Variants in MLLT3 observed in about 807,000 individuals in gnomAD.
MLLT3 encodes protein AF-9.
In MLLT3, 4 loss-of-function variants were observed where a neutral mutation model predicts 53.2. That is an observed-to-expected ratio of 0.08 (90% CI 0.04 to 0.17). MLLT3 has a LOEUF of 0.17. Ranked by LOEUF, MLLT3 falls within the 10% of genes least tolerant of loss-of-function variation. The pLI, the probability that MLLT3 is intolerant of heterozygous loss-of-function variation, is 1.00. For missense variants in MLLT3, 569 were observed against 684.0 expected, an observed-to-expected ratio of 0.83 and a Z score of 1.87; for synonymous variants, 283 against 230.6, an observed-to-expected ratio of 1.23 and a Z score of -2.06.
chr9:20,421,482 T>A (rs949450800), intron 4 of MLLT3, among the ~76,000 whole-genome samples: 1 of 151,994 alleles, frequency 6.6e-6, no homozygotes, highest in Non-Finnish European at 1.5e-5. Context: ...TTTGAGAAAC[T>A]GGGAAAAGAT....
intron 5 of MLLT3, among the ~76,000 whole-genome samples, chr9:20,386,051 T>C (rs1371171240): frequency 1.3e-5 from 2 of 152,124 alleles, no homozygotes; most frequent in African/African-American, 4.8e-5. Context: ...GAAACTGAAT[T>C]CCCATTTCCA....
chr9:20,547,453 G>A (rs1356155053), intron 2 of MLLT3, among the ~76,000 whole-genome samples: 4 of 151,752 alleles, frequency 2.6e-5, no homozygotes, highest in East Asian at 3.9e-4. Flanking sequence ...CAACCAGCCC[G>A]GCCAACATGA....
intron 2 of MLLT3, among the ~76,000 whole-genome samples, chr9:20,460,835 T>A: frequency 6.6e-6 from 1 of 152,330 alleles, no homozygotes; most frequent in East Asian, 1.9e-4. Context: ...CATAAACTTT[T>A]AAAGCTTTTA....
intron 3 of MLLT3, among the ~76,000 whole-genome samples, chr9:20,456,100 G>A (rs756591154): frequency 2.0e-5 from 3 of 151,704 alleles, no homozygotes; most frequent in South Asian, 4.2e-4. Flanking sequence ...CACCATACTC[G>A]GCTAATTTTT....
chr9:20,497,992 C>T (rs1050122780), intron 2 of MLLT3, among the ~76,000 whole-genome samples: 9 of 151,850 alleles, frequency 5.9e-5, no homozygotes, highest in African/African-American at 2.2e-4. Flanking sequence ...GACAGTGAGG[C>T]GAGTGGATCA....
chr9:20,600,252 G>C (rs994840457), intron 2 of MLLT3, among the ~76,000 whole-genome samples: 3 of 151,890 alleles, frequency 2.0e-5, no homozygotes, highest in Non-Finnish European at 4.4e-5. Context: ...CACTCATCTT[G>C]TTGTGCTGTT....
chr9:20,496,747 C>T (rs1316583817), intron 2 of MLLT3, among the ~76,000 whole-genome samples: 1 of 152,156 alleles, frequency 6.6e-6, no homozygotes, highest in African/African-American at 2.4e-5. Flanking sequence ...GTCATGGTTA[C>T]TATATTGACA....
chr9:20,456,991 G>A (rs963013693), intron 2 of MLLT3, among the ~76,000 whole-genome samples: 1 of 152,018 alleles, frequency 6.6e-6, no homozygotes, highest in Non-Finnish European at 1.5e-5. Context: ...AAGCAGATAT[G>A]TAAGTCATTT....
intron 5 of MLLT3, among the ~76,000 whole-genome samples, chr9:20,393,847 CTG>C (rs1220208826): frequency 6.6e-6 from 1 of 152,080 alleles, no homozygotes; most frequent in East Asian, 1.9e-4. Flanking sequence ...AAAGTGATAA[CTG>C]TAACTTGAGA....
At chr9:20,551,435 A>G (rs942610315) in intron 2 of MLLT3, among the ~76,000 whole-genome samples, 1 of 152,186 alleles carries the variant, frequency 6.6e-6, no homozygotes, top group African/African-American at 2.4e-5. Flanking sequence ...AAATTATTAC[A>G]TGGACCTGCT....
intron 5 of MLLT3, among the ~76,000 whole-genome samples, chr9:20,368,199 C>A (rs747444255): frequency 7.2e-5 from 11 of 152,216 alleles, no homozygotes; most frequent in Non-Finnish European, 1.6e-4. Flanking sequence ...TTGAGTGGCT[C>A]TTCTACTGTT....
At chr9:20,531,276 C>T (rs561766534) in intron 2 of MLLT3, among the ~76,000 whole-genome samples, 4 of 152,002 alleles carry the variant, frequency 2.6e-5, no homozygotes, top group African/African-American at 9.6e-5. Flanking sequence ...GCTGTGATTA[C>T]AGGCGTATGC....
intron 2 of MLLT3, among the ~76,000 whole-genome samples, chr9:20,524,987 A>G (rs1818162567): frequency 6.6e-6 from 1 of 152,102 alleles, no homozygotes; most frequent in Non-Finnish European, 1.5e-5. Context: ...GCATTCAGGA[A>G]GGCACCTAGT....
intron 2 of MLLT3, among the ~76,000 whole-genome samples, chr9:20,545,501 T>C (rs1052545610): frequency 2.0e-5 from 3 of 152,166 alleles, no homozygotes. Flanking sequence ...GCAACATGCA[T>C]GTGGTTGGCA....
chr9:20,521,901 A>G (rs1818071520), intron 2 of MLLT3, among the ~76,000 whole-genome samples: 3 of 152,184 alleles, frequency 2.0e-5, no homozygotes, highest in Admixed American at 1.3e-4. Flanking sequence ...AGCAGTCTAA[A>G]AGAAGAGGAA....
chr9:20,570,719 A>C (rs757305664), intron 2 of MLLT3, among the ~76,000 whole-genome samples: 1 of 152,228 alleles, frequency 6.6e-6, no homozygotes. Context: ...CAAATTACTT[A>C]GAAATTCTGG....
intron 2 of MLLT3, among the ~76,000 whole-genome samples, chr9:20,496,655 T>G (rs1009730043): frequency 6.6e-6 from 1 of 152,202 alleles, no homozygotes; most frequent in Non-Finnish European, 1.5e-5. Flanking sequence ...CTACTTTTCC[T>G]AGGATCTTCC....
intron 2 of MLLT3, among the ~76,000 whole-genome samples, chr9:20,466,057 G>C (rs1824231086): frequency 6.6e-6 from 1 of 152,090 alleles, no homozygotes; most frequent in South Asian, 2.1e-4. Context: ...AAGGGTATTT[G>C]TCCCAAACAA....
At chr9:20,461,450 T>C (rs1046072367) in intron 2 of MLLT3, among the ~76,000 whole-genome samples, 7 of 152,146 alleles carry the variant, frequency 4.6e-5, no homozygotes, top group African/African-American at 1.7e-4. Context: ...CCCTTACTTA[T>C]TAAAAGTCCT....
Sources: allele counts gnomAD v4.1 joint callset (sites outside exome capture counted in the v4.1 genomes callset), GRCh38; gene constraint gnomAD v4.1.1; transcripts MANE v1.5; gene names NCBI Gene and HGNC (gene_info 2026-07-23, HGNC 2026-07-21).